Variants in TBXAS1 observed in about 807,000 individuals in gnomAD.
TBXAS1 encodes thromboxane A synthase 1.
Under a neutral mutation model 60.7 loss-of-function variants are expected in TBXAS1, and 48 were observed. That is an observed-to-expected ratio of 0.79 (90% CI 0.63 to 1.01). The LOEUF (loss-of-function observed/expected upper bound fraction) is 1.01. TBXAS1 is among the 50% of genes least tolerant of loss of function. The pLI, the probability that TBXAS1 is intolerant of heterozygous loss-of-function variation, is 0.00. For synonymous variants in TBXAS1, 287 were observed against 269.7 expected, an observed-to-expected ratio of 1.06 and a Z score of -0.63; for missense variants, 685 against 686.3, an observed-to-expected ratio of 1.00 and a Z score of 0.02.
intron 3 of TBXAS1, among the ~76,000 whole-genome samples, chr7:139,887,312 A>G (rs1584770135): frequency 6.6e-6 from 1 of 152,226 alleles, no homozygotes; most frequent in African/African-American, 2.4e-5. Context: ...TTCATTGTAT[A>G]GATCAGTTGC....
At chr7:139,954,540 A>G (rs775519163) in intron 6 of TBXAS1, among the ~76,000 whole-genome samples, 3 of 152,238 alleles carry the variant, frequency 2.0e-5, no homozygotes, top group Non-Finnish European at 4.4e-5. Flanking sequence ...TTCCTTAATG[A>G]TAAGTTAGTG....
chr7:139,895,684 C>G (rs1804032451), intron 3 of TBXAS1, among the ~76,000 whole-genome samples: 1 of 152,232 alleles, frequency 6.6e-6, no homozygotes, highest in African/African-American at 2.4e-5. Context: ...TTGATGTCAT[C>G]ACATCATGGG....
chr7:139,853,817 G>A (rs867719199), intron 1 of TBXAS1, among the ~76,000 whole-genome samples: 2 of 152,152 alleles, frequency 1.3e-5, no homozygotes, highest in Non-Finnish European at 2.9e-5. Flanking sequence ...AATAATGAAC[G>A]TAGACAGGAT....
intron 4 of TBXAS1, among the ~76,000 whole-genome samples, chr7:139,912,235 C>T (rs376747427): frequency 1.6e-4 from 25 of 151,864 alleles, no homozygotes; most frequent in East Asian, 7.7e-4. Flanking sequence ...GCGACAGAGA[C>T]GCTGTCTCAA....
At chr7:139,935,639 T>C (rs151015798) in intron 4 of TBXAS1, among the ~76,000 whole-genome samples, 1 of 151,862 alleles carries the variant, frequency 6.6e-6, no homozygotes, top group African/African-American at 2.4e-5. Flanking sequence ...AGAAACATTA[T>C]GGCAGGCATG....
chr7:139,955,772 T>C (rs1253552486), intron 7 of TBXAS1, among the ~76,000 whole-genome samples, 165 bp downstream of exon 7: 1 of 152,150 alleles, frequency 6.6e-6, no homozygotes, highest in Non-Finnish European at 1.5e-5. Context: ...GTTCCTCTTG[T>C]CACCCGCCTA....
At chr7:139,860,525 A>G (rs2116714682) in intron 1 of TBXAS1, among the ~76,000 whole-genome samples, 2 of 152,340 alleles carry the variant, frequency 1.3e-5, no homozygotes, top group Non-Finnish European at 2.9e-5. Context: ...GAAGATCATG[A>G]AAGGGGTTAA....
intron 1 of TBXAS1, among the ~76,000 whole-genome samples, chr7:139,830,149 G>A (rs1798608414): frequency 6.6e-6 from 1 of 152,104 alleles, no homozygotes; most frequent in South Asian, 2.1e-4. Flanking sequence ...GTGTCTGTAG[G>A]TCGAAGGCCT....
chr7:139,995,100 G>T (rs1321255482), intron 9 of TBXAS1, among the ~76,000 whole-genome samples: 2 of 152,096 alleles, frequency 1.3e-5, no homozygotes, highest in African/African-American at 2.4e-5. Flanking sequence ...AAGACTCCTG[G>T]GCTTTACAAA....
intron 9 of TBXAS1, among the ~76,000 whole-genome samples, chr7:139,966,649 CT>C (rs1810810906): frequency 6.6e-6 from 1 of 152,200 alleles, no homozygotes; most frequent in Admixed American, 6.5e-5. Flanking sequence ...TAAATGTGCT[CT>C]GATGAATCTC....
chr7:139,919,606 G>A (rs1380342318), intron 4 of TBXAS1, among the ~76,000 whole-genome samples: 3 of 152,042 alleles, frequency 2.0e-5, no homozygotes, highest in East Asian at 3.9e-4. Context: ...CCTTTCTCCC[G>A]ATAATACATG....
At chr7:139,877,687 T>G (rs928531971) in intron 3 of TBXAS1, among the ~76,000 whole-genome samples, 37 of 149,738 alleles carry the variant, frequency 2.5e-4, no homozygotes, top group African/African-American at 8.6e-4. Context: ...CCTCCCAAAG[T>G]GCTGGGATTA....
chr7:139,865,813 A>AAGGG (rs1298508635), intron 1 of TBXAS1, among the ~76,000 whole-genome samples: 2 of 91,330 alleles, frequency 2.2e-5, no homozygotes, highest in Non-Finnish European at 4.1e-5. Flanking sequence ...AGAAGGAAGG[A>AAGGG]AGGGAGGGAG....
intron 9 of TBXAS1, among the ~76,000 whole-genome samples, chr7:139,980,212 T>C (rs1277491155): frequency 6.6e-6 from 1 of 152,162 alleles, no homozygotes; most frequent in Admixed American, 6.5e-5. Context: ...TCCTGTTAAA[T>C]TTCCATACAT....
intron 12 of TBXAS1, 48 bp downstream of exon 12, chr7:140,017,881 G>T (rs1476410375): frequency 1.2e-6 from 2 of 1,612,208 alleles, no homozygotes; most frequent in Non-Finnish European, 1.7e-6. Context: ...GGGTGGGAGG[G>T]CCACCCCAGT....
chr7:139,957,563 G>C, intron 7 of TBXAS1, 71 bp from the exon 8 acceptor site: 1 of 1,609,186 alleles, frequency 6.2e-7, no homozygotes, highest in Non-Finnish European at 8.5e-7. Context: ...TGCTTCCCGG[G>C]AACAGGCGTC....
intron 4 of TBXAS1, among the ~76,000 whole-genome samples, chr7:139,930,915 G>A (rs7805971): frequency 0.12 from 17,609 of 152,016 alleles, 1,870 homozygotes; most frequent in African/African-American, 0.29. Flanking sequence ...TAATAATTGT[G>A]ACTGACAGGA....
At chr7:139,866,413 G>A (rs547908702) in intron 1 of TBXAS1, among the ~76,000 whole-genome samples, 1 of 152,094 alleles carries the variant, frequency 6.6e-6, no homozygotes, top group Non-Finnish European at 1.5e-5. Context: ...ACATGGAGAT[G>A]TTTTTCCTTA....
intron 4 of TBXAS1, among the ~76,000 whole-genome samples, chr7:139,796,659 A>G (rs1200622969): frequency 1.3e-5 from 2 of 152,248 alleles, no homozygotes; most frequent in Non-Finnish European, 2.9e-5. Flanking sequence ...TAACATATCA[A>G]TATTGGCTCA....
Sources: allele counts gnomAD v4.1 joint callset (sites outside exome capture counted in the v4.1 genomes callset), GRCh38; gene constraint gnomAD v4.1.1; transcripts MANE v1.5; gene names NCBI Gene and HGNC (gene_info 2026-07-23, HGNC 2026-07-21).